LUZP1: variants seen among roughly 807,000 people sequenced by gnomAD.
LUZP1 encodes the protein leucine zipper protein 1, also known as filamin mechanobinding actin cross-linking protein.
In LUZP1, 25 loss-of-function variants were observed where a neutral mutation model predicts 71.3. The observed-to-expected ratio is 0.35, with a 90% CI of 0.26 to 0.49. The LOEUF (loss-of-function observed/expected upper bound fraction) is 0.49, where lower values mean the gene tolerates loss of function less well. LUZP1 is among the 20% of genes least tolerant of loss of function. The pLI, the probability that LUZP1 is intolerant of heterozygous loss-of-function variation, is 0.99. For missense variants in LUZP1, 1,142 were observed against 1,300.8 expected (o/e 0.88, Z 1.88); for synonymous variants, 481 against 506.4 (o/e 0.95, Z 0.67).
intron 2 of LUZP1, among the ~76,000 whole-genome samples, chr1:23,146,412 C>T (rs1036465214): frequency 5.9e-5 from 9 of 152,308 alleles, no homozygotes; most frequent in Admixed American, 3.9e-4. Context: ...AGTCACATGA[C>T]GTCACTTAAT....
intron 2 of LUZP1, among the ~76,000 whole-genome samples, chr1:23,136,803 G>C (rs570094228): frequency 3.1e-4 from 47 of 152,306 alleles, no homozygotes; most frequent in Non-Finnish European, 6.0e-4. Flanking sequence ...TGTAGTCCCA[G>C]CTACTCAGGG....
chr1:23,174,691 T>G (rs1275927962), intron 1 of LUZP1, among the ~76,000 whole-genome samples: 1 of 152,152 alleles, frequency 6.6e-6, no homozygotes, highest in Non-Finnish European at 1.5e-5. Context: ...GCAATAAAGA[T>G]ATACATAAAA....
chr1:23,123,458 C>A (rs1367848255), intron 2 of LUZP1, among the ~76,000 whole-genome samples: 1 of 147,712 alleles, frequency 6.8e-6, no homozygotes, highest in East Asian at 2.0e-4. Flanking sequence ...CACCACTGCA[C>A]TCCAGCCTGG....
chr1:23,145,144 C>G (rs1422712678), intron 2 of LUZP1, among the ~76,000 whole-genome samples: 2 of 152,076 alleles, frequency 1.3e-5, no homozygotes, highest in East Asian at 3.9e-4. Flanking sequence ...CTCAAGGGAT[C>G]CTCCTGCCTC....
intron 2 of LUZP1, among the ~76,000 whole-genome samples, chr1:23,131,219 CAAAAAAAAA>C (rs71020480): frequency 5.1e-4 from 23 of 45,040 alleles, no homozygotes; most frequent in Non-Finnish European, 5.7e-4. Flanking sequence ...GACTCCATCT[CAAAAAAAAA>C]AAAAAAAAAA....
chr1:23,176,799 G>A (rs562113290), intron 1 of LUZP1, among the ~76,000 whole-genome samples: 8 of 152,188 alleles, frequency 5.3e-5, no homozygotes, highest in Non-Finnish European at 1.0e-4. Context: ...TTCTCAAGAG[G>A]CTATAGACAT....
chr1:23,142,761 C>A lies in LUZP1; in HGVS notation c.-226+26005G>T, dbSNP rs1224687048. On this transcript the variant is annotated intron_variant, in intron 2 of 4. Coordinates refer to ENST00000302291, the Ensembl canonical transcript of LUZP1. Reference sequence around the variant, plus strand: ...CACACACACACACACAGATTTTTGACAGCACCAGAGGGTTGGCACCCCTAA... The same window carrying A: ...CACACACACACACACAGATTTTTGAAAGCACCAGAGGGTTGGCACCCCTAA... Among the ~76,000 whole-genome samples the A allele has an allele frequency of 3.3e-5, 5 of 150,298 alleles. 1 individual carries two copies. Among genetic ancestry groups the A allele is most frequent in the Admixed American group, 6.7e-5 (1 of 15,032 alleles).
rs1185318512 is a variant in LUZP1, at chr1:23,117,454, C to CCTCTCTCTCTCTCTCTCT, written c.-225-8345_-225-8328dup. On this transcript the variant is annotated intron_variant, in intron 2 of 4. Coordinates refer to ENST00000302291, the Ensembl canonical transcript of LUZP1. ...CACTGTACACATTCTTTTTTTTTTT[C>CCTCTCTCTCTCTCTCTCT]CTCTCTCTCTCTCTCTCTCTCTCCC... 1.4e-3 allele frequency among the ~76,000 whole-genome samples: 19 copies of CCTCTCTCTCTCTCTCTCT among 13,362 alleles called. 1 individual carries two copies. The highest frequency in any genetic ancestry group is 5.8e-3 in the African/African-American group (13 of 2,254). 8.8% of individuals were successfully genotyped at this position (13,362 alleles called of 152,430 possible). A position where few individuals can be genotyped will look rare whatever the true frequency, so the allele number is the denominator to read the frequency against.
exon 5 of LUZP1, chr1:23,086,274 C>G (rs1643763630): frequency 6.6e-6 from 1 of 152,658 alleles, no homozygotes; most frequent in South Asian, 2.1e-4. Flanking sequence ...ATGTTATTTT[C>G]TGCAATGCTG....
At chr1:23,090,964 T>C (rs1483346307) in intron 4 of LUZP1, 1 of 718,858 alleles carries the variant, frequency 1.4e-6, no homozygotes, top group East Asian at 2.7e-5. Flanking sequence ...GAGAGCAAAA[T>C]GAAGACAACA....
rs1356810164 is a variant in LUZP1, at chr1:23,139,020, ATAT to A, written c.-226+29743_-226+29745del. Among the ~76,000 whole-genome samples the A allele has an allele frequency of 2.8e-3, 139 of 50,504 alleles. 2 individuals are homozygous for A. The highest frequency in any genetic ancestry group is 4.8e-3 in the African/African-American group (49 of 10,176). The allele number at this position is 50,504 out of a possible 152,430, so 33.1% of individuals were successfully genotyped here. Reference sequence around the variant, plus strand: ...CTCAAAAAAAAAAAAAAAAAAAAAAATATATATATATATATATATATATATACA... The same window carrying A: ...CTCAAAAAAAAAAAAAAAAAAAAAAAATATATATATATATATATATATACA... On this transcript the variant is annotated intron_variant, in intron 2 of 4. Transcript: ENST00000302291.
intron 2 of LUZP1, among the ~76,000 whole-genome samples, chr1:23,158,936 CAAAA>C (rs1165897572): frequency 7.1e-5 from 4 of 56,232 alleles, no homozygotes; most frequent in African/African-American, 6.6e-5. Flanking sequence ...GACTCCATCT[CAAAA>C]AAAAAAAAAA....
chr1:23,118,154 C>G (rs979690016), intron 2 of LUZP1, among the ~76,000 whole-genome samples: 6 of 151,978 alleles, frequency 3.9e-5, no homozygotes, highest in Non-Finnish European at 7.4e-5. Context: ...GTAATCCCAG[C>G]ACTGTGGGAG....
chr1:23,091,764 G>T lies in LUZP1; in HGVS notation c.2498C>A (p.Ser833Ter). The T allele has an allele frequency of 2.5e-6, 4 of 1,614,082 alleles. No homozygotes were observed. The highest frequency in any genetic ancestry group is 3.4e-6 in the Non-Finnish European group (4 of 1,180,032). Residue 833 changes from serine (S) to a stop codon, truncating the protein, a stop_gained, in exon 4 of 5, where the codon TCA (serine) becomes TAA (stop). Transcript: ENST00000302291. LOFTEE classifies it high-confidence loss of function. ...AGGGGAGCTGACATGGTTGCTAACT[G>T]ATGTGAGCTCTGCCAGCCCCACCTG...
intron 2 of LUZP1, among the ~76,000 whole-genome samples, chr1:23,116,096 C>T (rs963312441): frequency 2.6e-5 from 4 of 151,788 alleles, no homozygotes; most frequent in African/African-American, 9.7e-5. Context: ...AAAAATAAAA[C>T]CAGGCCAGGT....
chr1:23,133,249 A>T (rs1388977657), intron 2 of LUZP1, among the ~76,000 whole-genome samples: 4 of 152,252 alleles, frequency 2.6e-5, no homozygotes, highest in African/African-American at 9.6e-5. Flanking sequence ...AAGCATTTTT[A>T]AAAATATTAT....
intron 2 of LUZP1, among the ~76,000 whole-genome samples, chr1:23,135,387 G>A (rs1326337328): frequency 1.3e-5 from 2 of 152,184 alleles, no homozygotes; most frequent in Non-Finnish European, 2.9e-5. Context: ...TTCTACACTT[G>A]TATTCAAACC....
At chr1:23,129,825 G>A (rs558231094) in intron 2 of LUZP1, among the ~76,000 whole-genome samples, 6 of 152,002 alleles carry the variant, frequency 3.9e-5, no homozygotes, top group East Asian at 1.9e-4. Context: ...ATTTATATAC[G>A]TACCATGTGC....
intron 2 of LUZP1, among the ~76,000 whole-genome samples, chr1:23,166,307 T>C (rs1644509416): frequency 6.6e-6 from 1 of 152,130 alleles, no homozygotes; most frequent in South Asian, 2.1e-4. Flanking sequence ...TAGTTGTGTG[T>C]GTGAACTTGG....
Sources: gnomAD v4.1 joint callset for allele counts (sites outside exome capture counted in the v4.1 genomes callset) on GRCh38, gnomAD v4.1.1 for gene constraint, MANE v1.5 for transcripts, NCBI Gene and HGNC (gene_info 2026-07-23, HGNC 2026-07-21) for gene names.